The following SEMA6D variants were observed in gnomAD, a reference collection of about 807,000 sequenced individuals.
SEMA6D encodes semaphorin-6D.
A neutral mutation model predicts 106.6 loss-of-function variants in SEMA6D; 35 were observed. That is an observed-to-expected ratio of 0.33 (90% CI 0.25 to 0.44). The LOEUF (loss-of-function observed/expected upper bound fraction) is 0.44. SEMA6D is among the 20% of genes least tolerant of loss of function. SEMA6D has a pLI of 1.00. For synonymous variants in SEMA6D, 499 were observed against 487.7 expected, an observed-to-expected ratio of 1.02 and a Z score of -0.31; for missense variants, 1,185 against 1,345.9, an observed-to-expected ratio of 0.88 and a Z score of 1.87.
intron 1 of SEMA6D, among the ~76,000 whole-genome samples, chr15:47,299,263 G>A (rs2035926898): frequency 6.6e-6 from 1 of 152,094 alleles, no homozygotes. Context: ...TTCCTGTGTT[G>A]GTCCACACAA....
chr15:47,367,486 C>A (rs529010737), intron 1 of SEMA6D, among the ~76,000 whole-genome samples: 3 of 152,278 alleles, frequency 2.0e-5, no homozygotes, highest in Non-Finnish European at 4.4e-5. Context: ...CTACTGCCTT[C>A]TTGTATACTC....
chr15:47,575,542 A>AC (rs1049377440), intron 3 of SEMA6D, among the ~76,000 whole-genome samples: 1 of 151,900 alleles, frequency 6.6e-6, no homozygotes, highest in Non-Finnish European at 1.5e-5. Flanking sequence ...ACACAATGAA[A>AC]CCCCGTCTCT....
In SEMA6D at chr15:47,230,646, C is replaced by CA. The variant is rs1204813897; in HGVS notation, c.-239+46231dup. Among the ~76,000 whole-genome samples, 13 of 152,028 alleles carry CA rather than the reference C, an allele frequency of 8.6e-5. 1 individual carries two copies. The highest frequency in any genetic ancestry group is 1.5e-5 in the Non-Finnish European group (1 of 67,986). On this transcript the variant is annotated intron_variant, in intron 1 of 19. Coordinates refer to the SEMA6D transcript ENST00000558014. Reference sequence around the variant, plus strand: ...CTCTGCTTTCTAAGTCAGTGGTTCTCAAAGTGTCATCAGTCCCTTGGCCAG... The same window carrying CA: ...CTCTGCTTTCTAAGTCAGTGGTTCTCAAAAGTGTCATCAGTCCCTTGGCCAG...
chr15:47,714,892 G>A (rs886523172), upstream of SEMA6D, among the ~76,000 whole-genome samples: 3 of 152,208 alleles, frequency 2.0e-5, no homozygotes, highest in African/African-American at 7.2e-5. Context: ...TTAAATGCCA[G>A]GCACTGTGGT....
intron 1 of SEMA6D, among the ~76,000 whole-genome samples, chr15:47,254,268 C>T (rs1008259092): frequency 1.4e-5 from 2 of 145,922 alleles, no homozygotes. Context: ...TATATATATA[C>T]ACACACATAT....
chr15:47,416,430 G>T (rs958617229), intron 2 of SEMA6D, among the ~76,000 whole-genome samples: 1 of 152,092 alleles, frequency 6.6e-6, no homozygotes, highest in Non-Finnish European at 1.5e-5. Context: ...TGAGAATAAG[G>T]TTAAGTATGG....
intron 1 of SEMA6D, among the ~76,000 whole-genome samples, chr15:47,381,547 G>T (rs1414253084): frequency 6.6e-6 from 1 of 151,992 alleles, no homozygotes; most frequent in Non-Finnish European, 1.5e-5. Context: ...ATGGGAAGAG[G>T]GTCCTTCTGT....
intron 3 of SEMA6D, among the ~76,000 whole-genome samples, chr15:47,554,398 G>A (rs72733869): frequency 0.055 from 8,412 of 152,228 alleles, 258 homozygotes; most frequent in Middle Eastern, 0.075. Flanking sequence ...CAGTTCACAA[G>A]TACAGTGCTA....
chr15:47,208,494 T>G (rs887892436), intron 1 of SEMA6D, among the ~76,000 whole-genome samples: 7 of 152,202 alleles, frequency 4.6e-5, no homozygotes, highest in Non-Finnish European at 7.4e-5. Flanking sequence ...TTGTGTTTTC[T>G]GTGTTCAGCA....
intron 1 of SEMA6D, among the ~76,000 whole-genome samples, chr15:47,401,335 G>A (rs1480321328): frequency 1.3e-5 from 2 of 152,124 alleles, no homozygotes; most frequent in African/African-American, 2.4e-5. Context: ...ACTATGACAA[G>A]CACGTTGTCT....
chr15:47,268,854 T>C (rs12593735), intron 1 of SEMA6D, among the ~76,000 whole-genome samples: 27,157 of 152,084 alleles, frequency 0.18, 4,207 homozygotes, highest in East Asian at 0.69. Flanking sequence ...TCAAGATTGC[T>C]TACCACCCTA....
intron 1 of SEMA6D, among the ~76,000 whole-genome samples, chr15:47,308,646 A>G (rs1201913410): frequency 6.6e-6 from 1 of 152,180 alleles, no homozygotes; most frequent in Non-Finnish European, 1.5e-5. Flanking sequence ...AAGGTTGACA[A>G]TGCCGTGAAG....
At chr15:47,216,283 CTG>C (rs1436813365) in intron 1 of SEMA6D, among the ~76,000 whole-genome samples, 4 of 152,132 alleles carry the variant, frequency 2.6e-5, no homozygotes, top group Non-Finnish European at 4.4e-5. Flanking sequence ...GTTTGACAGA[CTG>C]TGGTTTTGAA....
intron 6 of SEMA6D, 75 bp from the exon 7 acceptor site, chr15:47,761,586 A>T: frequency 9.2e-6 from 12 of 1,300,866 alleles, no homozygotes; most frequent in Non-Finnish European, 1.3e-5. Context: ...GAATTTTAAT[A>T]CAAATAAAAT....
At chr15:47,633,172 A>G (rs150591628) in intron 4 of SEMA6D, among the ~76,000 whole-genome samples, 1 of 152,148 alleles carries the variant, frequency 6.6e-6, no homozygotes, top group Non-Finnish European at 1.5e-5. Context: ...TGAGAAGTAG[A>G]TACTTGATTA....
chr15:47,451,910 T>A (rs2042206049), intron 2 of SEMA6D, among the ~76,000 whole-genome samples: 1 of 152,002 alleles, frequency 6.6e-6, no homozygotes. Context: ...CATTCTATTG[T>A]ATGTAAATTA....
In SEMA6D at chr15:47,383,059, T is replaced by C. The variant is rs948864637; in HGVS notation, c.-238-29334T>C. On this transcript the variant is annotated intron_variant, in intron 1 of 19. Transcript: ENST00000558014. ...GGGATTACAGGCATGAGCCACCACC[T>C]GGTCCTAATTTTTGTCCCTCAAAAT... Among the ~76,000 whole-genome samples the C allele has an allele frequency of 2.0e-5, 3 of 152,276 alleles. No individual in the cohort carries two copies. In the East Asian group the frequency reaches 5.8e-4, roughly 30 times the overall value.
chr15:47,426,364 C>T (rs1428114687), intron 2 of SEMA6D, among the ~76,000 whole-genome samples: 3 of 152,020 alleles, frequency 2.0e-5, no homozygotes, highest in Admixed American at 6.6e-5. Context: ...AATGGGTCCT[C>T]GTTTTATCAC....
intron 1 of SEMA6D, among the ~76,000 whole-genome samples, chr15:47,398,208 A>C (rs546142993): frequency 6.6e-6 from 1 of 152,200 alleles, no homozygotes. Context: ...GTTCTCACCT[A>C]TTTAATCACC....
Sources: allele counts gnomAD v4.1 joint callset (sites outside exome capture counted in the v4.1 genomes callset), GRCh38; gene constraint gnomAD v4.1.1; transcripts MANE v1.5; gene names NCBI Gene and HGNC (gene_info 2026-07-23, HGNC 2026-07-21).